The following CACNA1G variants were observed in gnomAD, a reference collection of about 807,000 sequenced individuals.
CACNA1G encodes the protein voltage-dependent T-type calcium channel subunit alpha-1G.
In CACNA1G, 67 loss-of-function variants were observed where a neutral mutation model predicts 219.4. The ratio of observed to expected loss-of-function variants is 0.31; its 90% CI spans 0.25 to 0.37. The LOEUF is 0.37. Among genes scored for constraint, CACNA1G ranks in the 10% least tolerant of loss-of-function variants. The pLI, the probability that CACNA1G is intolerant of heterozygous loss-of-function variation, is 1.00. For missense variants in CACNA1G, 2,380 were observed against 3,231.4 expected (o/e 0.74, Z 6.39); for synonymous variants, 1,296 against 1,345.3 (o/e 0.96, Z 0.80).
At position 50,561,106 on chromosome 17, in the gene CACNA1G, C is replaced by T. The variant is rs907054784; in HGVS notation, c.-354C>T. ...CTGCCCCCCTTTTCGTTCGCCCTCT[C>T]GGGGCGGCTTCGCCGAAGGTAGCGC... On this transcript the variant is annotated 5_prime_UTR_variant, in exon 1 of 38. Coordinates refer to ENST00000359106, the MANE Select transcript of CACNA1G (RefSeq NM_018896.5). The T allele has an allele frequency of 8.9e-6, 4 of 448,474 alleles. No homozygotes were observed. The highest frequency in any genetic ancestry group is 2.7e-5 in the Admixed American group (1 of 37,342). 27.8% of individuals were successfully genotyped at this position (448,474 alleles called of 1,614,324 possible). A position where few individuals can be genotyped will look rare whatever the true frequency, so the allele number is the denominator to read the frequency against.
chr17:50,575,431 G>C (rs562357237), intron 7 of CACNA1G, 112 bp from the exon 8 acceptor site: 17 of 1,108,886 alleles, frequency 1.5e-5, no homozygotes, highest in African/African-American at 6.3e-5. Flanking sequence ...ATAATGCTTG[G>C]AAAATAACTG....
At chr17:50,564,942 C>G (rs1054531426) in intron 1 of CACNA1G, among the ~76,000 whole-genome samples, 2 of 152,142 alleles carry the variant, frequency 1.3e-5, no homozygotes, top group Non-Finnish European at 2.9e-5. Context: ...CCCACCCGCT[C>G]TGCTCCACCG....
chr17:50,615,329 C>T lies in CACNA1G; in HGVS notation c.4760-32C>T, dbSNP rs752152924. On this transcript the variant is annotated intron_variant, in intron 26 of 37. Transcript: ENST00000359106. ...AGGGGTGCGGGGGGCAGGGGCCTGA[C>T]GCTTGCTCTGCTCTTCCCCCTGCCC... 53 of 1,543,612 alleles carry T rather than the reference C, an allele frequency of 3.4e-5. 1 individual carries two copies. Among genetic ancestry groups the T allele is most frequent in the Admixed American group, 3.0e-4 (17 of 57,344 alleles).
chr17:50,570,319 G>A (rs896694904), intron 4 of CACNA1G, among the ~76,000 whole-genome samples: 1 of 151,928 alleles, frequency 6.6e-6, no homozygotes, highest in Non-Finnish European at 1.5e-5. Flanking sequence ...GTAACTGCCG[G>A]GCCCATTATC....
chr17:50,588,848 G>A (rs757419), intron 9 of CACNA1G, among the ~76,000 whole-genome samples: 68,571 of 151,908 alleles, frequency 0.45, 16,492 homozygotes, highest in East Asian at 0.89. Flanking sequence ...CCCAAATGCC[G>A]CTCACCTGCT....
chr17:50,590,161 G>A (rs960343059), intron 9 of CACNA1G, among the ~76,000 whole-genome samples: 6 of 152,162 alleles, frequency 3.9e-5, no homozygotes, highest in Non-Finnish European at 8.8e-5. Flanking sequence ...GATGGGCCAT[G>A]CAGCTCCCAG....
rs1245302005 is a variant in CACNA1G, at chr17:50,617,251, C to T, written c.5022-187C>T. Among the ~76,000 whole-genome samples, 1 of 152,172 alleles carries T rather than the reference C, an allele frequency of 6.6e-6. No individual in the cohort carries two copies. On this transcript the variant is annotated intron_variant, in intron 28 of 37. Transcript: ENST00000359106. This position sits in a 1 kb window ranked among gnomAD's most constrained non-coding sequence, Gnocchi z 5.8. ...AAGCAGAGGCTTTTGAGCTAAAGTC[C>T]TAGTCCTACTCGTGCCACCAGTTGG...
chr17:50,570,768 A>G (rs1028114693), intron 4 of CACNA1G, among the ~76,000 whole-genome samples: 10 of 152,074 alleles, frequency 6.6e-5, no homozygotes, highest in African/African-American at 2.4e-4. Flanking sequence ...CCTTAATGCA[A>G]ACCCTGAGGA....
At position 50,576,018 on chromosome 17, in the gene CACNA1G, C is replaced by A; in HGVS notation, c.1616C>A (p.Thr539Lys). Reference protein sequence around the residue: ...SRRLMLPPPSTPALSGAPPGG... With the variant: ...SRRLMLPPPSKPALSGAPPGG... ...CGGCTCATGCTGCCACCACCCTCGA[C>A]GCCTGCCCTCTCCGGGGCCCCCCCT... Residue 539 changes from threonine to lysine, a missense_variant, in exon 8 of 38, where the codon ACG (threonine) becomes AAG (lysine). By Grantham distance (78) the Thr-to-Lys change is moderately conservative. Coordinates refer to ENST00000359106, the MANE Select transcript of CACNA1G (RefSeq NM_018896.5). 6.4e-7 allele frequency: 1 copy of A among 1,562,234 alleles called. No individual in the cohort carries two copies. The highest frequency in any genetic ancestry group is 2.4e-5 in the East Asian group (1 of 41,566).
rs1042581972 is a variant in CACNA1G, at chr17:50,600,602, G to A, written c.3691-124G>A. 7 of 762,916 alleles carry A rather than the reference G, an allele frequency of 9.2e-6. No homozygotes were observed. The highest frequency in any genetic ancestry group is 1.6e-5 in the Non-Finnish European group (7 of 442,460). The allele number at this position is 762,916 out of a possible 1,614,324, so 47.3% of individuals were successfully genotyped here. A position where few individuals can be genotyped will look rare whatever the true frequency, so the allele number is the denominator to read the frequency against. ...TTAGGAATAAAGGAAGAGAGGCAGG[G>A]CAGAGCTTGGGCCCCAGGTGGGAGA... On this transcript the variant is annotated intron_variant, in intron 17 of 37. Coordinates refer to ENST00000359106, the MANE Select transcript of CACNA1G (RefSeq NM_018896.5). This position sits in a 1 kb window ranked among gnomAD's most constrained non-coding sequence, Gnocchi z 4.1.
chr17:50,590,769 G>A, intron 10 of CACNA1G, 147 bp downstream of exon 10: 1 of 691,524 alleles, frequency 1.4e-6, no homozygotes, highest in Non-Finnish European at 2.4e-6. Flanking sequence ...CTCCTCCTAG[G>A]TGGGGGGCTC....
rs1160220230 is a variant in CACNA1G, at chr17:50,571,698, C to CAA, written c.587-179_587-178dup. ...AGCCACAAGGGGAAGTGGGTCGGGG[C>CAA]AAGGGGCTGCAGAGGCTATCTGGGG... On this transcript the variant is annotated intron_variant, in intron 4 of 37. Coordinates refer to ENST00000359106, the MANE Select transcript of CACNA1G (RefSeq NM_018896.5). This position sits in a 1 kb window ranked among gnomAD's most constrained non-coding sequence, Gnocchi z 4.3. 2.1e-4 allele frequency among the ~76,000 whole-genome samples: 32 copies of CAA among 152,170 alleles called. No individual in the cohort carries two copies. Among genetic ancestry groups the CAA allele is most frequent in the Non-Finnish European group, 3.8e-4 (26 of 68,002 alleles).
At chr17:50,564,427 T>A (rs1265238885) in intron 1 of CACNA1G, among the ~76,000 whole-genome samples, 5 of 141,758 alleles carry the variant, frequency 3.5e-5, no homozygotes, top group Non-Finnish European at 6.2e-5. Flanking sequence ...CATTTGGAAA[T>A]CACAGGCTGG....
intron 23 of CACNA1G, among the ~76,000 whole-genome samples, chr17:50,606,671 C>G (rs1428341869): frequency 6.6e-6 from 1 of 152,174 alleles, no homozygotes; most frequent in Non-Finnish European, 1.5e-5. Context: ...CTTCTCCTAC[C>G]TGGCGGAGGG....
Position 50,618,487 on chromosome 17 carries a change from G to A in CACNA1G, c.5427+144G>A, listed in dbSNP as rs2051039002. 17 of 1,248,862 alleles carry A rather than the reference G, an allele frequency of 1.4e-5. No homozygotes were observed. Among genetic ancestry groups the A allele is most frequent in the Non-Finnish European group, 1.8e-5 (16 of 879,988 alleles). 77.4% of individuals were successfully genotyped at this position (1,248,862 alleles called of 1,614,324 possible). A position where few individuals can be genotyped will look rare whatever the true frequency, so the allele number is the denominator to read the frequency against. On this transcript the variant is annotated intron_variant, in intron 32 of 37. Coordinates refer to ENST00000359106, the MANE Select transcript of CACNA1G (RefSeq NM_018896.5). The surrounding 1 kb of genome is among the most constrained non-coding windows in gnomAD (Gnocchi z 5.3). ...GAACACTCTGGAACTCCCTCTCCCA[G>A]GAACATGCTCTGACTCACACTTGTA...
intron 35 of CACNA1G, among the ~76,000 whole-genome samples, chr17:50,623,514 G>A (rs966384342): frequency 2.6e-5 from 4 of 151,968 alleles, no homozygotes; most frequent in African/African-American, 9.7e-5. Context: ...CTCTAAATGG[G>A]GCCTTTAGAA....
chr17:50,582,682 C>T (rs2042208701), intron 9 of CACNA1G, among the ~76,000 whole-genome samples: 3 of 151,432 alleles, frequency 2.0e-5, no homozygotes, highest in African/African-American at 7.4e-5. Context: ...CAGGAGCTTC[C>T]TAACATCTCC....
At chr17:50,564,164 T>TGTGTGTG (rs2036965910) in intron 1 of CACNA1G, among the ~76,000 whole-genome samples, 1 of 81,374 alleles carries the variant, frequency 1.2e-5, no homozygotes, top group Non-Finnish European at 2.2e-5. Flanking sequence ...GTGTGTGTGT[T>TGTGTGTG]GCAAGGGAGG....
chr17:50,565,133 A>G (rs899519782), intron 1 of CACNA1G, among the ~76,000 whole-genome samples: 10 of 134,410 alleles, frequency 7.4e-5, no homozygotes, highest in South Asian at 2.2e-4. Context: ...ACGCGCGCGC[A>G]CACACACACG....
Sources: gnomAD v4.1 joint callset for allele counts (sites outside exome capture counted in the v4.1 genomes callset) on GRCh38, gnomAD v4.1.1 for gene constraint, Gnocchi (gnomAD v3.1) non-coding constraint, MANE v1.5 for transcripts, NCBI Gene and HGNC (gene_info 2026-07-23, HGNC 2026-07-21) for gene names.